The following MAF variants were observed in gnomAD, a reference collection of about 807,000 sequenced individuals.
The protein encoded by MAF is transcription factor Maf.
MAF carries 10 observed loss-of-function variants against 22.0 expected under a neutral mutation model. The ratio of observed to expected loss-of-function variants is 0.45; its 90% CI spans 0.28 to 0.77. The LOEUF (loss-of-function observed/expected upper bound fraction) is 0.77, where lower values mean the gene tolerates loss of function less well. Among genes scored for constraint, MAF ranks in the 30% least tolerant of loss-of-function variants. The pLI is 0.12. For synonymous variants in MAF, 337 were observed against 255.8 expected, an observed-to-expected ratio of 1.32 and a Z score of -3.03; for missense variants, 544 against 548.4, an observed-to-expected ratio of 0.99 and a Z score of 0.08.
chr16:79,597,723 T>C (rs1186789388), intron 1 of MAF: 1 of 1,019,326 alleles, frequency 9.8e-7, no homozygotes, highest in African/African-American at 1.7e-5. Context: ...ATGCTATAAG[T>C]CTTCGAACGT....
chr16:79,289,867 T>TTTTTTTTTTTTTTGTTTTTTTTTTTC, the MAF span, among the ~76,000 whole-genome samples: 1 of 118,510 alleles, frequency 8.4e-6, no homozygotes, highest in Non-Finnish European at 1.7e-5. Context: ...TTTTTTTTTT[T>TTTTTTTTTTTTTTGTTTTTTTTTTTC]TGTGAGACGG....
chr16:79,387,281 C>G, the MAF span, among the ~76,000 whole-genome samples: 1 of 152,204 alleles, frequency 6.6e-6, no homozygotes, highest in Non-Finnish European at 1.5e-5. Flanking sequence ...GCTCTTTTAA[C>G]CTTCTCCATA....
the MAF span, among the ~76,000 whole-genome samples, chr16:79,431,939 A>G: frequency 6.6e-6 from 1 of 152,184 alleles, no homozygotes; most frequent in East Asian, 1.9e-4. Context: ...CCAGTATAGT[A>G]GTTCCCCCAT....
chr16:79,259,220 C>T, the MAF span, among the ~76,000 whole-genome samples: 17 of 152,284 alleles, frequency 1.1e-4, no homozygotes, highest in Non-Finnish European at 1.8e-4. Context: ...TCTGCTCAGT[C>T]CCCTTGGCCT....
At chr16:79,442,602 T>C in the MAF span, among the ~76,000 whole-genome samples, 1 of 151,550 alleles carries the variant, frequency 6.6e-6, no homozygotes, top group South Asian at 2.1e-4. Flanking sequence ...CATACAGTGG[T>C]GCAGCACGAT....
chr16:79,581,930 G>A (rs1912545760), downstream of MAF, among the ~76,000 whole-genome samples: 1 of 152,170 alleles, frequency 6.6e-6, no homozygotes, highest in Non-Finnish European at 1.5e-5. Flanking sequence ...CTGAGTACCT[G>A]ACACTATGTC....
At chr16:79,214,131 T>G in the MAF span, among the ~76,000 whole-genome samples, 1 of 152,224 alleles carries the variant, frequency 6.6e-6, no homozygotes, top group Admixed American at 6.5e-5. Context: ...CCTGTCTTCA[T>G]GGTGTCACCC....
the MAF span, among the ~76,000 whole-genome samples, chr16:79,475,482 T>C: frequency 6.6e-6 from 1 of 152,070 alleles, no homozygotes; most frequent in Non-Finnish European, 1.5e-5. Flanking sequence ...ATGTACACTT[T>C]ATATATTTTC....
At chr16:79,491,726 G>A in the MAF span, among the ~76,000 whole-genome samples, 13 of 152,176 alleles carry the variant, frequency 8.5e-5, no homozygotes, top group Non-Finnish European at 1.8e-4. Flanking sequence ...GAGAAGATGT[G>A]CTTACCCAAA....
At chr16:79,463,971 C>CAAA in the MAF span, among the ~76,000 whole-genome samples, 3 of 145,710 alleles carry the variant, frequency 2.1e-5, no homozygotes, top group African/African-American at 7.6e-5. Flanking sequence ...CTGAGGCTTG[C>CAAA]AAAAAAAAAA....
At chr16:79,310,383 A>AAG in the MAF span, among the ~76,000 whole-genome samples, 56 of 151,982 alleles carry the variant, frequency 3.7e-4, no homozygotes, top group Non-Finnish European at 3.1e-4. Context: ...GACAGAGAGT[A>AAG]AGAGAGAGAG....
At chr16:79,423,166 A>G in the MAF span, among the ~76,000 whole-genome samples, 1 of 152,326 alleles carries the variant, frequency 6.6e-6, no homozygotes, top group South Asian at 2.1e-4. Context: ...CATATCCCAA[A>G]TATTGCATAG....
chr16:79,549,634 C>T, the MAF span, among the ~76,000 whole-genome samples: 6 of 152,292 alleles, frequency 3.9e-5, no homozygotes, highest in Admixed American at 3.9e-4. Flanking sequence ...GATAGACACT[C>T]ACTTGAAAAT....
chr16:79,237,170 T>A, the MAF span, among the ~76,000 whole-genome samples: 2 of 152,000 alleles, frequency 1.3e-5, no homozygotes, highest in African/African-American at 2.4e-5. Context: ...TAATAATTTT[T>A]AAAAAACCCT....
At chr16:79,331,604 A>G in the MAF span, among the ~76,000 whole-genome samples, 1 of 151,984 alleles carries the variant, frequency 6.6e-6, no homozygotes. Flanking sequence ...CATACCTTCT[A>G]CCCGCCTCCC....
the MAF span, among the ~76,000 whole-genome samples, chr16:79,414,174 G>C: frequency 1.3e-5 from 2 of 152,192 alleles, no homozygotes; most frequent in Non-Finnish European, 1.5e-5. Flanking sequence ...ACTAAACCAA[G>C]TGTGAGAGTG....
At chr16:79,281,092 G>A in the MAF span, among the ~76,000 whole-genome samples, 1 of 152,088 alleles carries the variant, frequency 6.6e-6, no homozygotes, top group Non-Finnish European at 1.5e-5. Flanking sequence ...AAGAAGAGAC[G>A]AAGACAAATA....
chr16:79,419,332 T>C, the MAF span, among the ~76,000 whole-genome samples: 1 of 152,196 alleles, frequency 6.6e-6, no homozygotes, highest in Non-Finnish European at 1.5e-5. Context: ...GGTGTCACAA[T>C]ATTTCACCTT....
the MAF span, among the ~76,000 whole-genome samples, chr16:79,276,143 G>GA: frequency 2.4e-5 from 1 of 41,608 alleles, no homozygotes; most frequent in Non-Finnish European, 6.2e-5. Context: ...CCATCTCAAA[G>GA]AAAAAAAAAG....
Sources: gnomAD v4.1 joint callset for allele counts (sites outside exome capture counted in the v4.1 genomes callset) on GRCh38, gnomAD v4.1.1 for gene constraint, MANE v1.5 for transcripts, NCBI Gene and HGNC (gene_info 2026-07-23, HGNC 2026-07-21) for gene names.